Variants in VPS45 observed in about 807,000 individuals in gnomAD.
The protein encoded by VPS45 is vacuolar protein sorting-associated protein 45.
In VPS45, 35 loss-of-function variants were observed where a neutral mutation model predicts 75.9. The observed-to-expected ratio is 0.46, with a 90% CI of 0.35 to 0.61. The LOEUF (loss-of-function observed/expected upper bound fraction) is 0.61. Among genes scored for constraint, VPS45 ranks in the 20% least tolerant of loss-of-function variants. The probability of loss-of-function intolerance (pLI) is 0.00; values close to 1 mark genes in which losing one functional copy is unlikely to be tolerated. For missense variants in VPS45, 559 were observed against 685.9 expected (o/e 0.81, Z 2.07); for synonymous variants, 220 against 238.2 (o/e 0.92, Z 0.70).
At chr1:150,087,175 G>T (rs1227483523) in intron 10 of VPS45, among the ~76,000 whole-genome samples, 1 of 152,160 alleles carries the variant, frequency 6.6e-6, no homozygotes, top group Non-Finnish European at 1.5e-5. Flanking sequence ...TGGTTTTCTC[G>T]TTGATGTCTT....
chr1:150,098,990 G>A (rs1553803643), intron 13 of VPS45: 1 of 1,118,066 alleles, frequency 8.9e-7, no homozygotes, highest in African/African-American at 1.7e-5. Flanking sequence ...GAATCTTGTT[G>A]CTACAGCTTA....
chr1:150,093,731 G>A (rs1360104337), intron 13 of VPS45, 83 bp downstream of exon 13: 1 of 1,506,616 alleles, frequency 6.6e-7, no homozygotes, highest in African/African-American at 1.4e-5. Context: ...GACTAAAGCT[G>A]AGGTTATAGC....
chr1:150,120,864 C>CTTT (rs370159689), intron 14 of VPS45, among the ~76,000 whole-genome samples: 6 of 86,026 alleles, frequency 7.0e-5, no homozygotes, highest in Non-Finnish European at 9.5e-5. Flanking sequence ...TAGCAACATT[C>CTTT]TTTTTTTTTT....
chr1:150,094,086 A>G (rs1656491583), intron 13 of VPS45, among the ~76,000 whole-genome samples: 1 of 152,230 alleles, frequency 6.6e-6, no homozygotes, highest in South Asian at 2.1e-4. Flanking sequence ...AATAAAGGCC[A>G]TTTGTTACAC....
intron 14 of VPS45, among the ~76,000 whole-genome samples, chr1:150,134,525 C>T (rs1553813129): frequency 1.3e-5 from 2 of 152,166 alleles, no homozygotes; most frequent in African/African-American, 4.8e-5. Context: ...TATCTCCCTA[C>T]AGCAGGTAAG....
intron 14 of VPS45, among the ~76,000 whole-genome samples, chr1:150,116,322 C>T (rs1196114837): frequency 6.6e-6 from 1 of 152,136 alleles, no homozygotes; most frequent in East Asian, 1.9e-4. Context: ...GCTATTTTTT[C>T]AAGTGTCTCC....
At chr1:150,098,983 T>A (rs1201252579) in intron 13 of VPS45, 2 of 1,135,962 alleles carry the variant, frequency 1.8e-6, no homozygotes, top group Non-Finnish European at 2.2e-6. Context: ...TGTAGTAGAA[T>A]CTTGTTGCTA....
intron 10 of VPS45, chr1:150,083,144 A>G: frequency 3.2e-6 from 1 of 312,788 alleles, no homozygotes; most frequent in Non-Finnish European, 5.8e-6. Context: ...TAGAATCAGA[A>G]GATCTAGATT....
chr1:150,067,466 C>G (rs934669272), upstream of VPS45: 1 of 207,346 alleles, frequency 4.8e-6, no homozygotes, highest in African/African-American at 2.3e-5. Context: ...CTCCGTCGTT[C>G]CTGCTTCCAA....
intron 13 of VPS45, among the ~76,000 whole-genome samples, chr1:150,107,132 G>A: frequency 6.6e-6 from 1 of 151,940 alleles, no homozygotes; most frequent in East Asian, 1.9e-4. Context: ...TCTGTCTTTT[G>A]GTTTTCTTCT....
chr1:150,132,496 G>A (rs1238425847), intron 14 of VPS45, among the ~76,000 whole-genome samples: 1 of 152,154 alleles, frequency 6.6e-6, no homozygotes, highest in Non-Finnish European at 1.5e-5. Context: ...ATAATAAAGT[G>A]TCCAGTTGAT....
intron 14 of VPS45, among the ~76,000 whole-genome samples, chr1:150,135,971 G>A (rs782506015): frequency 2.0e-5 from 3 of 151,510 alleles, no homozygotes; most frequent in African/African-American, 2.4e-5. Context: ...ATTTGAGGCC[G>A]GGTGCAGTGG....
chr1:150,081,285 C>T (rs1386438638), intron 7 of VPS45, 57 bp from the exon 8 acceptor site: 4 of 1,501,832 alleles, frequency 2.7e-6, no homozygotes, highest in South Asian at 1.3e-5. Flanking sequence ...TTTTCCTGAA[C>T]GTTTACTATT....
At chr1:150,104,778 G>C (rs1193744580) in intron 13 of VPS45, among the ~76,000 whole-genome samples, 1 of 152,120 alleles carries the variant, frequency 6.6e-6, no homozygotes, top group Non-Finnish European at 1.5e-5. Flanking sequence ...TTTTTTGGCA[G>C]AGTTGGGGTC....
chr1:150,067,885 T>A lies in VPS45; in HGVS notation c.28T>A (p.Tyr10Asn), dbSNP rs1652448340. MNVVFAVKQ[Y>N]ISKMIEDSGP... is the part of the protein sequence containing the mutation. Reference sequence around the variant, plus strand: ...GAACGTGGTTTTTGCTGTGAAGCAGTACATTTCCAAAATGATAGAGGACAG... The same window carrying A: ...GAACGTGGTTTTTGCTGTGAAGCAGAACATTTCCAAAATGATAGAGGACAG... The change falls in exon 1 of 15, where the codon TAC (tyrosine) becomes AAC (asparagine). Residue 10 changes from tyrosine (Y) to asparagine (N), a missense_variant. Tyr to Asn is a moderately radical substitution (Grantham distance 143). Coordinates refer to ENST00000644510, the MANE Select transcript of VPS45 (RefSeq NM_007259.5). The A allele has an allele frequency of 6.2e-7, 1 of 1,614,198 alleles. No individual in the cohort carries two copies.
intron 14 of VPS45, among the ~76,000 whole-genome samples, chr1:150,130,579 A>T (rs1202256725): frequency 6.6e-6 from 1 of 152,164 alleles, no homozygotes; most frequent in Non-Finnish European, 1.5e-5. Context: ...TTAATAACTG[A>T]ATTATATTCT....
Position 150,111,678 on chromosome 1 carries a change from T to C in VPS45, c.1625+1051T>C, listed in dbSNP as rs587680963. On this transcript the variant is annotated intron_variant, in intron 14 of 14. Transcript: ENST00000644510. ...AGTCATTAAAAGTATTTGTATACTT[T>C]TTAATTTTGTATGATTATTTGGTTT... Among the ~76,000 whole-genome samples, 54 of 152,344 alleles carry C rather than the reference T, an allele frequency of 3.5e-4. 2 individuals are homozygous for C. The South Asian group carries it at 9.5e-3, about 27-fold the overall frequency.
intron 14 of VPS45, among the ~76,000 whole-genome samples, chr1:150,115,745 C>T (rs1049327728): frequency 6.6e-6 from 1 of 152,154 alleles, no homozygotes; most frequent in Admixed American, 6.5e-5. Flanking sequence ...AAGCATATCT[C>T]CTTGTGCAGA....
At chr1:150,070,452 G>A (rs1035121300) in intron 2 of VPS45, among the ~76,000 whole-genome samples, 1 of 152,038 alleles carries the variant, frequency 6.6e-6, no homozygotes, top group Non-Finnish European at 1.5e-5. Context: ...TTTTTTATTA[G>A]AGAAACTCTT....
Sources: gnomAD v4.1 joint callset for allele counts (sites outside exome capture counted in the v4.1 genomes callset) on GRCh38, gnomAD v4.1.1 for gene constraint, MANE v1.5 for transcripts, NCBI Gene and HGNC (gene_info 2026-07-23, HGNC 2026-07-21) for gene names.